ZNF385B: variants seen among roughly 807,000 people sequenced by gnomAD.
ZNF385B encodes zinc finger protein 533.
In ZNF385B, 23 loss-of-function variants were observed where a neutral mutation model predicts 39.2. The ratio of observed to expected loss-of-function variants is 0.59; its 90% CI spans 0.42 to 0.83. The LOEUF is 0.83. ZNF385B is among the 40% of genes least tolerant of loss of function. The pLI is 0.00. For synonymous variants in ZNF385B, 205 were observed against 222.6 expected (o/e 0.92, Z 0.70); for missense variants, 552 against 598.9 (o/e 0.92, Z 0.82).
chr2:179,562,753 G>GA (rs1185834483), intron 3 of ZNF385B: 1 of 197,594 alleles, frequency 5.1e-6, no homozygotes, highest in Non-Finnish European at 9.1e-6. Context: ...TAGTAAAATG[G>GA]AAATAAAGCA....
At chr2:179,751,745 C>T (rs140585225) in intron 3 of ZNF385B, among the ~76,000 whole-genome samples, 519 of 152,090 alleles carry the variant, frequency 3.4e-3, no homozygotes, top group South Asian at 7.7e-3. Context: ...ATGTATAACA[C>T]TCCAACTGAC....
chr2:179,808,167 G>A (rs111406727), intron 1 of ZNF385B, among the ~76,000 whole-genome samples: 14,082 of 151,752 alleles, frequency 0.093, 731 homozygotes, highest in African/African-American at 0.12. Flanking sequence ...CCAGCAGCTG[G>A]GACTACAGGC....
At chr2:179,809,546 T>A (rs1239804947) in intron 1 of ZNF385B, among the ~76,000 whole-genome samples, 1 of 152,094 alleles carries the variant, frequency 6.6e-6, no homozygotes, top group Non-Finnish European at 1.5e-5. Flanking sequence ...AGTCTTATGC[T>A]ACATACAGTG....
rs1553538062 is a variant in ZNF385B at position 179,807,929 on chromosome 2, A to AGAAG, written c.-154-37261_-154-37258dup. On this transcript the variant is annotated intron_variant, in intron 1 of 9. Transcript: ENST00000410066. Reference sequence around the variant, plus strand: ...AAGAAAGAAAGAAAGAAAGAAAGAAAGAAGGAAGGAAGGAAGGAAGGAAAG... The same window carrying AGAAG: ...AAGAAAGAAAGAAAGAAAGAAAGAAAGAAGGAAGGAAGGAAGGAAGGAAGGAAAG... Among the ~76,000 whole-genome samples the AGAAG allele has an allele frequency of 5.2e-3, 599 of 116,250 alleles. 6 individuals are homozygous for AGAAG. The highest frequency in any genetic ancestry group is 0.014 in the South Asian group (46 of 3,322). 76.3% of individuals were successfully genotyped at this position (116,250 alleles called of 152,430 possible).
At position 179,576,907 on chromosome 2, in the gene ZNF385B, T is replaced by C. The variant is rs141224359; in HGVS notation, c.299-31938A>G. ...TGTTCCAGGAATCTCTGCTGCACTG[T>C]TTGCCTCCTTGATCAAGGTGTTAAT... On this transcript the variant is annotated intron_variant, in intron 3 of 9. Coordinates refer to ENST00000410066, the MANE Select transcript of ZNF385B (RefSeq NM_152520.6). Among the ~76,000 whole-genome samples the C allele has an allele frequency of 1.8e-4, 27 of 152,242 alleles. No individual in the cohort carries two copies. In the East Asian group the frequency reaches 5.0e-3, roughly 28 times the overall value.
At chr2:179,654,179 G>T (rs993089331) in intron 3 of ZNF385B, among the ~76,000 whole-genome samples, 2 of 152,118 alleles carry the variant, frequency 1.3e-5, no homozygotes, top group Admixed American at 6.5e-5. Flanking sequence ...CATGTGAAAA[G>T]GTTGTCCTTG....
chr2:179,787,356 T>C (rs1026641071), intron 1 of ZNF385B, among the ~76,000 whole-genome samples: 3 of 152,020 alleles, frequency 2.0e-5, no homozygotes, highest in African/African-American at 7.2e-5. Context: ...TTTATATTTG[T>C]CATTATAGTT....
At chr2:179,759,073 T>C (rs1559168283) in intron 3 of ZNF385B, among the ~76,000 whole-genome samples, 1 of 152,204 alleles carries the variant, frequency 6.6e-6, no homozygotes, top group Non-Finnish European at 1.5e-5. Flanking sequence ...TCATTCCCTT[T>C]GGATCACTTT....
At chr2:179,570,401 A>C (rs1439633995) in intron 3 of ZNF385B, among the ~76,000 whole-genome samples, 2 of 152,178 alleles carry the variant, frequency 1.3e-5, no homozygotes, top group Admixed American at 1.3e-4. Flanking sequence ...GCCTTTTATC[A>C]CAGTGTATGT....
intron 3 of ZNF385B, among the ~76,000 whole-genome samples, chr2:179,553,612 G>C (rs1305390782): frequency 6.7e-6 from 1 of 148,872 alleles, no homozygotes; most frequent in Non-Finnish European, 1.5e-5. Flanking sequence ...GTATGTGGCA[G>C]AGCCTGGGTC....
At chr2:179,476,112 G>A (rs898471156) in intron 6 of ZNF385B, among the ~76,000 whole-genome samples, 1 of 151,532 alleles carries the variant, frequency 6.6e-6, no homozygotes, top group African/African-American at 2.4e-5. Flanking sequence ...ATTTATTGAG[G>A]AGCTCTATTT....
At chr2:179,450,985 C>T (rs573292754) in intron 6 of ZNF385B, among the ~76,000 whole-genome samples, 1 of 151,062 alleles carries the variant, frequency 6.6e-6, no homozygotes, top group Non-Finnish European at 1.5e-5. Flanking sequence ...TCATTCTCAG[C>T]AAACTATCGC....
At chr2:179,578,171 A>G (rs1039802029) in intron 3 of ZNF385B, among the ~76,000 whole-genome samples, 3 of 152,134 alleles carry the variant, frequency 2.0e-5, no homozygotes, top group Non-Finnish European at 4.4e-5. Flanking sequence ...ACTTCCATTC[A>G]GAAGCTCTAA....
intron 5 of ZNF385B, among the ~76,000 whole-genome samples, chr2:179,516,421 T>G (rs2058093622): frequency 6.6e-6 from 1 of 152,132 alleles, no homozygotes. Flanking sequence ...AGAGGTCCAG[T>G]TGCTCCTCAT....
chr2:179,657,113 A>G (rs1693865281), intron 3 of ZNF385B, among the ~76,000 whole-genome samples: 1 of 152,196 alleles, frequency 6.6e-6, no homozygotes, highest in Non-Finnish European at 1.5e-5. Flanking sequence ...GAAGGGGAAG[A>G]GCGGAGAGCC....
At chr2:179,558,750 T>A (rs950849416) in intron 3 of ZNF385B, among the ~76,000 whole-genome samples, 4 of 152,190 alleles carry the variant, frequency 2.6e-5, no homozygotes, top group Non-Finnish European at 5.9e-5. Context: ...AGTATGATAG[T>A]CATGGTGGCC....
At chr2:179,692,795 C>T (rs1227883658) in intron 3 of ZNF385B, among the ~76,000 whole-genome samples, 2 of 152,164 alleles carry the variant, frequency 1.3e-5, no homozygotes, top group East Asian at 1.9e-4. Context: ...CATCACTCTT[C>T]CATGGTTAGT....
chr2:179,741,599 T>C (rs1374364369), intron 3 of ZNF385B, among the ~76,000 whole-genome samples: 2 of 152,048 alleles, frequency 1.3e-5, no homozygotes, highest in African/African-American at 4.8e-5. Flanking sequence ...AGCTTGGGTG[T>C]GGGAATGGAG....
intron 3 of ZNF385B, among the ~76,000 whole-genome samples, chr2:179,570,898 G>T (rs575669290): frequency 2.0e-4 from 30 of 152,154 alleles, no homozygotes; most frequent in Admixed American, 3.3e-4. Flanking sequence ...CTGAAAAGTT[G>T]CAGGCAAACC....
Sources: allele counts gnomAD v4.1 joint callset (sites outside exome capture counted in the v4.1 genomes callset), GRCh38; gene constraint gnomAD v4.1.1; transcripts MANE v1.5; gene names NCBI Gene and HGNC (gene_info 2026-07-23, HGNC 2026-07-21).